The following ETS1 variants were observed in gnomAD, a reference collection of about 807,000 sequenced individuals.
The protein encoded by ETS1 is ETS proto-oncogene 1, transcription factor, also known as protein C-ets-1.
A neutral mutation model predicts 58.6 loss-of-function variants in ETS1; 15 were observed. The observed-to-expected ratio is 0.26, with a 90% CI of 0.17 to 0.39. The LOEUF is 0.39. Ranked by LOEUF, ETS1 falls within the 10% of genes least tolerant of loss-of-function variation. ETS1 has a pLI of 1.00. For synonymous variants in ETS1, 214 were observed against 218.2 expected (o/e 0.98, Z 0.17); for missense variants, 417 against 610.5 (o/e 0.68, Z 3.34).
intron 3 of ETS1, among the ~76,000 whole-genome samples, chr11:128,548,112 G>GAAGGAAAGGA (rs139704582): frequency 0.11 from 10,576 of 97,636 alleles, 1,072 homozygotes; most frequent in Middle Eastern, 0.24. Flanking sequence ...AAAGGAAAGG[G>GAAGGAAAGGA]AAGGAAAGGA....
chr11:128,509,614 T>C (rs1219281942), intron 3 of ETS1, among the ~76,000 whole-genome samples: 1 of 150,650 alleles, frequency 6.6e-6, no homozygotes, highest in Non-Finnish European at 1.5e-5. Context: ...GGTAGATATG[T>C]ATAAGTGAAA....
rs1473118651 is a variant in ETS1 at position 128,463,697 on chromosome 11, C to T, written c.1124-70G>A. ...ACTCTACGCAGCTAATCCCCACACA[C>T]GGCACTCCCACATCCCTCTTCTCTC... is the stretch of plus-strand genomic sequence containing the variant. On this transcript the variant is annotated intron_variant, in intron 8 of 9. Coordinates refer to ENST00000392668, the MANE Select transcript of ETS1 (RefSeq NM_001143820.2). This position sits in a 1 kb window ranked among gnomAD's most constrained non-coding sequence, Gnocchi z 4.1. 2.4e-5 allele frequency: 20 copies of T among 836,942 alleles called. No homozygotes were observed. The highest frequency in any genetic ancestry group is 7.4e-5 in the East Asian group (3 of 40,412). The allele number at this position is 836,942 out of a possible 1,614,324, so 51.8% of individuals were successfully genotyped here.
intron 3 of ETS1, among the ~76,000 whole-genome samples, chr11:128,532,263 A>G (rs986932133): frequency 2.6e-5 from 4 of 152,210 alleles, no homozygotes; most frequent in African/African-American, 9.7e-5. Flanking sequence ...CCAGTTGCCC[A>G]AAAGAACCTT....
At chr11:128,582,425 C>A (rs553758637) in intron 1 of ETS1, among the ~76,000 whole-genome samples, 13 of 152,154 alleles carry the variant, frequency 8.5e-5, no homozygotes, top group Admixed American at 2.0e-4. Context: ...GTTATTATTG[C>A]TATTTTATCA....
chr11:128,487,997 CAA>C (rs1862684834), intron 5 of ETS1, among the ~76,000 whole-genome samples: 1 of 152,052 alleles, frequency 6.6e-6, no homozygotes, highest in Admixed American at 6.5e-5. Context: ...TTAGATAGCC[CAA>C]AACACCTAGC....
intron 2 of ETS1, among the ~76,000 whole-genome samples, chr11:128,561,575 A>G (rs979051674): frequency 7.2e-5 from 11 of 152,184 alleles, no homozygotes; most frequent in African/African-American, 2.7e-4. Context: ...GAGTTGGGCC[A>G]TGGGTGTCGA....
At chr11:128,543,773 C>T (rs973666251) in intron 3 of ETS1, among the ~76,000 whole-genome samples, 3 of 152,270 alleles carry the variant, frequency 2.0e-5, no homozygotes, top group Non-Finnish European at 2.9e-5. Flanking sequence ...AAAAAAATTA[C>T]TCATACTCCT....
chr11:128,470,301 C>T (rs1301023336), intron 8 of ETS1, among the ~76,000 whole-genome samples: 5 of 152,138 alleles, frequency 3.3e-5, no homozygotes, highest in East Asian at 1.9e-4. Context: ...TGAGTGATGA[C>T]GGCATCCTAT....
At chr11:128,532,633 A>G in intron 3 of ETS1, among the ~76,000 whole-genome samples, 1 of 151,604 alleles carries the variant, frequency 6.6e-6, no homozygotes. Context: ...TCCAAAATGT[A>G]CATGGCTGAG....
chr11:128,522,252 C>CCCGGCCCTCGCCCGCTCCCTCCTCT, intron 3 of ETS1: 1 of 1,181,816 alleles, frequency 8.5e-7, no homozygotes, highest in Non-Finnish European at 1.1e-6. Context: ...GCTCCTCCTG[C>CCCGGCCCTCGCCCGCTCCCTCCTCT]CCGGCCCTCG....
intron 3 of ETS1, among the ~76,000 whole-genome samples, chr11:128,538,914 T>C (rs1864014002): frequency 6.6e-6 from 1 of 152,206 alleles, no homozygotes; most frequent in Admixed American, 6.5e-5. Flanking sequence ...GTAGGTGACA[T>C]ATGTATTTAA....
chr11:128,459,176 GATA>G lies in ETS1; in HGVS notation c.*3182_*3184del, dbSNP rs1861843024. 6.7e-6 allele frequency: 1 copy of G among 149,504 alleles called. No homozygotes were observed. The highest frequency in any genetic ancestry group is 2.4e-5 in the African/African-American group (1 of 40,878). The allele number at this position is 149,504 out of a possible 1,614,324, so 9.3% of individuals were successfully genotyped here. On this transcript the variant is annotated 3_prime_UTR_variant, in exon 10 of 10. Coordinates refer to ENST00000392668, the MANE Select transcript of ETS1 (RefSeq NM_001143820.2). ...GTTCAATAACTGAGGCAGTATTCCTGATAATTTTATTTTAATATATATATTTTA... is the reference window on the plus strand; with the variant it reads ...GTTCAATAACTGAGGCAGTATTCCTGATTTTATTTTAATATATATATTTTA...
At chr11:128,504,572 C>T (rs987940557) in intron 3 of ETS1, among the ~76,000 whole-genome samples, 9 of 152,192 alleles carry the variant, frequency 5.9e-5, no homozygotes, top group South Asian at 2.1e-4. Context: ...AATTAGAAGA[C>T]GCTTTCGATG....
intron 3 of ETS1, chr11:128,522,241 C>G (rs1863700178): frequency 8.4e-7 from 1 of 1,195,642 alleles, no homozygotes; most frequent in Non-Finnish European, 1.0e-6. Flanking sequence ...GCGCCGCGCC[C>G]GCTCCTCCTG....
chr11:128,530,490 G>A (rs777747909), intron 3 of ETS1: 1 of 152,218 alleles, frequency 6.6e-6, no homozygotes, highest in African/African-American at 2.4e-5. Context: ...GACAGGTAAC[G>A]TGCAGAATGA....
intron 2 of ETS1, among the ~76,000 whole-genome samples, chr11:128,562,870 C>T (rs1864426066): frequency 6.6e-6 from 1 of 152,046 alleles, no homozygotes; most frequent in African/African-American, 2.4e-5. Flanking sequence ...CCTGGAACTG[C>T]CTATTCACCT....
At chr11:128,563,762 A>G (rs1864443982) in intron 2 of ETS1, among the ~76,000 whole-genome samples, 1 of 152,220 alleles carries the variant, frequency 6.6e-6, no homozygotes, top group Non-Finnish European at 1.5e-5. Context: ...GCCCTGCTCC[A>G]ACAGTTTTGT....
intron 1 of ETS1, among the ~76,000 whole-genome samples, chr11:128,585,822 C>A (rs1396571120): frequency 6.6e-6 from 1 of 152,224 alleles, no homozygotes; most frequent in Non-Finnish European, 1.5e-5. Context: ...CAAAGCTAAT[C>A]ACTGACATAA....
intron 1 of ETS1, among the ~76,000 whole-genome samples, chr11:128,584,963 A>G: frequency 3.8e-5 from 1 of 26,628 alleles, no homozygotes; most frequent in African/African-American, 2.5e-4. Context: ...AGAAAGAAAG[A>G]AAGAAAGAAA....
Sources: allele counts gnomAD v4.1 joint callset (sites outside exome capture counted in the v4.1 genomes callset), GRCh38; gene constraint gnomAD v4.1.1; non-coding constraint Gnocchi (gnomAD v3.1); transcripts MANE v1.5; gene names NCBI Gene and HGNC (gene_info 2026-07-23, HGNC 2026-07-21).